The following CPNE4 variants were observed in gnomAD, a reference collection of about 807,000 sequenced individuals.
CPNE4 encodes copine-4.
CPNE4 carries 25 observed loss-of-function variants against 67.9 expected under a neutral mutation model. The ratio of observed to expected loss-of-function variants is 0.37; its 90% CI spans 0.27 to 0.51. CPNE4 has a LOEUF of 0.51. Ranked by LOEUF, CPNE4 falls within the 20% of genes least tolerant of loss-of-function variation. The pLI, the probability that CPNE4 is intolerant of heterozygous loss-of-function variation, is 0.93. For missense variants in CPNE4, 464 were observed against 690.8 expected, an observed-to-expected ratio of 0.67 and a Z score of 3.68; for synonymous variants, 242 against 244.9, an observed-to-expected ratio of 0.99 and a Z score of 0.11.
intron 2 of CPNE4, among the ~76,000 whole-genome samples, chr3:131,802,995 A>G (rs1455722300): frequency 6.6e-6 from 1 of 152,170 alleles, no homozygotes; most frequent in African/African-American, 2.4e-5. Context: ...CAGGACTGGA[A>G]TTAGAAAATT....
intron 2 of CPNE4, among the ~76,000 whole-genome samples, chr3:131,792,647 G>GTATATA (rs200994347): frequency 6.8e-5 from 3 of 43,952 alleles, no homozygotes; most frequent in East Asian, 1.7e-3. Flanking sequence ...GTGTATATAT[G>GTATATA]TATATATACA....
At chr3:131,967,125 CAT>C (rs753268510) in intron 1 of CPNE4, among the ~76,000 whole-genome samples, 5 of 152,198 alleles carry the variant, frequency 3.3e-5, no homozygotes, top group Non-Finnish European at 7.3e-5. Context: ...ACAAAAACCA[CAT>C]GATTATCTCA....
chr3:131,656,738 T>C (rs2079980089), intron 7 of CPNE4, among the ~76,000 whole-genome samples: 1 of 152,188 alleles, frequency 6.6e-6, no homozygotes, highest in Non-Finnish European at 1.5e-5. Context: ...ATAAACAACG[T>C]AATCACAGAT....
chr3:131,678,702 T>C (rs1192306486), intron 6 of CPNE4, among the ~76,000 whole-genome samples: 1 of 152,146 alleles, frequency 6.6e-6, no homozygotes, highest in East Asian at 1.9e-4. Context: ...ATCTTGTGGT[T>C]TTTGTCTTTT....
At chr3:131,984,673 T>C (rs2072999225) in intron 1 of CPNE4, among the ~76,000 whole-genome samples, 1 of 152,184 alleles carries the variant, frequency 6.6e-6, no homozygotes, top group South Asian at 2.1e-4. Context: ...TCACTTTCCT[T>C]AAGGGCTTGT....
chr3:131,633,260 T>G (rs1298777398), intron 7 of CPNE4, among the ~76,000 whole-genome samples: 1 of 152,168 alleles, frequency 6.6e-6, no homozygotes, highest in Non-Finnish European at 1.5e-5. Context: ...GCAATTAGCT[T>G]TCTATCTGGT....
intron 1 of CPNE4, among the ~76,000 whole-genome samples, chr3:131,948,944 A>G (rs2071639553): frequency 6.6e-6 from 1 of 152,236 alleles, no homozygotes; most frequent in Non-Finnish European, 1.5e-5. Context: ...TGAAGAAAAG[A>G]GAACAGGTTT....
At chr3:131,602,385 G>A (rs1939255020) in intron 7 of CPNE4, among the ~76,000 whole-genome samples, 1 of 152,144 alleles carries the variant, frequency 6.6e-6, no homozygotes, top group Non-Finnish European at 1.5e-5. Context: ...GTCCTAAAAT[G>A]TTACTACACT....
At chr3:131,815,588 G>C (rs186846787) in intron 2 of CPNE4, among the ~76,000 whole-genome samples, 2 of 152,278 alleles carry the variant, frequency 1.3e-5, no homozygotes, top group African/African-American at 2.4e-5. Context: ...ATATATATAT[G>C]TAAGTAAGTC....
chr3:131,811,552 AC>A (rs1201955944), intron 2 of CPNE4, among the ~76,000 whole-genome samples: 1 of 152,122 alleles, frequency 6.6e-6, no homozygotes, highest in Non-Finnish European at 1.5e-5. Flanking sequence ...TATTCAAAGT[AC>A]CTTCCATGGG....
upstream of CPNE4, among the ~76,000 whole-genome samples, chr3:132,037,146 A>G (rs1233862920): frequency 6.6e-6 from 1 of 152,244 alleles, no homozygotes; most frequent in Non-Finnish European, 1.5e-5. Flanking sequence ...GAAAAACAAC[A>G]TAGTTATCTT....
chr3:132,020,121 C>CGT (rs67920753), intron 1 of CPNE4, among the ~76,000 whole-genome samples: 7 of 152,080 alleles, frequency 4.6e-5, no homozygotes, highest in African/African-American at 1.7e-4. Context: ...AAAAGTGACC[C>CGT]GTCCTGCACA....
intron 1 of CPNE4, among the ~76,000 whole-genome samples, chr3:131,976,080 G>GTT (rs1245538687): frequency 8.5e-5 from 6 of 70,906 alleles, no homozygotes; most frequent in Admixed American, 2.0e-4. Flanking sequence ...CAATATTGTT[G>GTT]GTTTTTTTTT....
chr3:131,579,799 G>A (rs1559931104), intron 9 of CPNE4, among the ~76,000 whole-genome samples: 1 of 152,192 alleles, frequency 6.6e-6, no homozygotes, highest in Admixed American at 6.5e-5. Context: ...AATGGATGAG[G>A]AGTTAATTCT....
At chr3:131,547,732 C>T (rs1489086084) in intron 14 of CPNE4, among the ~76,000 whole-genome samples, 1 of 152,116 alleles carries the variant, frequency 6.6e-6, no homozygotes, top group Non-Finnish European at 1.5e-5. Context: ...ACACACTTAG[C>T]TCCCCAGGGT....
At chr3:131,662,629 C>CA (rs1480906455) in intron 7 of CPNE4, among the ~76,000 whole-genome samples, 3 of 151,854 alleles carry the variant, frequency 2.0e-5, no homozygotes, top group Non-Finnish European at 4.4e-5. Flanking sequence ...AAGAAAAAAA[C>CA]AACCCCATCA....
intron 1 of CPNE4, among the ~76,000 whole-genome samples, chr3:131,906,589 T>A (rs1283815717): frequency 6.6e-6 from 1 of 152,024 alleles, no homozygotes; most frequent in African/African-American, 2.4e-5. Flanking sequence ...AACTCATCAT[T>A]TTTTATGGCT....
Position 131,555,509 on chromosome 3 carries a change from A to T in CPNE4, c.1104T>A (p.Pro368=), listed in dbSNP as rs765542131. The change falls in exon 12 of 16, where the codon CCT becomes CCA. Residue 368 remains proline (P), a synonymous_variant. Transcript: ENST00000429747. ...TCCACTCACTCACCGTGTACTCTGGAGGTATCCTGGCGCCAAACCCAAAGG... is the reference window on the plus strand; with the variant it reads ...TCCACTCACTCACCGTGTACTCTGGTGGTATCCTGGCGCCAAACCCAAAGG... ...FPAFGFGARI[P]PEYTVSHDFA... The T allele has an allele frequency of 1.2e-5, 19 of 1,612,534 alleles. No individual in the cohort carries two copies. Among genetic ancestry groups the T allele is most frequent in the Non-Finnish European group, 1.6e-5 (19 of 1,179,176 alleles).
At chr3:132,026,766 T>G (rs1478485030) in intron 1 of CPNE4, among the ~76,000 whole-genome samples, 2 of 152,164 alleles carry the variant, frequency 1.3e-5, no homozygotes, top group Admixed American at 1.3e-4. Flanking sequence ...AGAGCAAGGT[T>G]GGGAAAGTAG....
Sources: allele counts gnomAD v4.1 joint callset (sites outside exome capture counted in the v4.1 genomes callset), GRCh38; gene constraint gnomAD v4.1.1; transcripts MANE v1.5; gene names NCBI Gene and HGNC (gene_info 2026-07-23, HGNC 2026-07-21).